Variants in PRKCH observed in about 807,000 individuals in gnomAD.
PRKCH encodes the protein protein kinase C eta type.
Under a neutral mutation model 82.5 loss-of-function variants are expected in PRKCH, and 28 were observed. The observed-to-expected ratio is 0.34, with a 90% CI of 0.25 to 0.47. PRKCH has a LOEUF of 0.47. PRKCH is among the 20% of genes least tolerant of loss of function. PRKCH has a pLI of 1.00. For missense variants in PRKCH, 705 were observed against 881.8 expected (o/e 0.80, Z 2.54); for synonymous variants, 322 against 327.4 (o/e 0.98, Z 0.18).
At chr14:61,549,634 T>G (rs772183169) in intron 13 of PRKCH, 51 bp from the exon 14 acceptor site, 3 of 1,596,106 alleles carry the variant, frequency 1.9e-6, no homozygotes, top group African/African-American at 2.7e-5. Context: ...GCAAGATGAG[T>G]AAGCCTCAAG....
intron 1 of PRKCH, among the ~76,000 whole-genome samples, chr14:61,272,892 C>T (rs1257213150): frequency 6.6e-6 from 1 of 152,122 alleles, no homozygotes; most frequent in Non-Finnish European, 1.5e-5. Flanking sequence ...TTCCTGGGTC[C>T]CTCCTCTGGT....
intron 2 of PRKCH, among the ~76,000 whole-genome samples, chr14:61,427,583 GTTGTT>G (rs1883175428): frequency 6.6e-6 from 1 of 151,944 alleles, no homozygotes; most frequent in Non-Finnish European, 1.5e-5. Flanking sequence ...TTCTTCTTTG[GTTGTT>G]TTGTTTGTTT....
At chr14:61,259,387 G>C (rs1455649154) in intron 1 of PRKCH, among the ~76,000 whole-genome samples, 1 of 152,120 alleles carries the variant, frequency 6.6e-6, no homozygotes, top group Non-Finnish European at 1.5e-5. Context: ...CATTCACACT[G>C]ACTGACTAAC....
intron 10 of PRKCH, chr14:61,528,181 C>CACACACAT (rs1360004883): frequency 6.6e-6 from 1 of 151,764 alleles, no homozygotes; most frequent in South Asian, 2.1e-4. Flanking sequence ...CACACACACA[C>CACACACAT]AAAGTATTTC....
intron 1 of PRKCH, among the ~76,000 whole-genome samples, chr14:61,368,997 A>C (rs2046333240): frequency 6.6e-6 from 1 of 152,092 alleles, no homozygotes; most frequent in Non-Finnish European, 1.5e-5. Flanking sequence ...TCCATTCTAC[A>C]CCCAAGCTGT....
chr14:61,325,013 G>A (rs548394348), intron 1 of PRKCH, among the ~76,000 whole-genome samples: 17 of 152,322 alleles, frequency 1.1e-4, no homozygotes, highest in African/African-American at 4.1e-4. Flanking sequence ...GGTTATGGAT[G>A]AGAGGATTCA....
intron 9 of PRKCH, among the ~76,000 whole-genome samples, chr14:61,457,938 C>G (rs1385697063): frequency 1.3e-5 from 2 of 152,308 alleles, no homozygotes; most frequent in East Asian, 3.9e-4. Flanking sequence ...AAAAGGTCAT[C>G]ATACATAAAT....
At chr14:61,296,121 G>T (rs959833517) in intron 1 of PRKCH, among the ~76,000 whole-genome samples, 3 of 152,164 alleles carry the variant, frequency 2.0e-5, no homozygotes, top group Admixed American at 6.5e-5. Context: ...CTCACTTGCT[G>T]GGAGAGAGTA....
At chr14:61,482,847 C>A (rs1886042090) in intron 9 of PRKCH, among the ~76,000 whole-genome samples, 1 of 152,146 alleles carries the variant, frequency 6.6e-6, no homozygotes, top group African/African-American at 2.4e-5. Flanking sequence ...AGGATTTTCT[C>A]CCCCCAGATC....
At chr14:61,423,066 G>A (rs553177762) in intron 2 of PRKCH, among the ~76,000 whole-genome samples, 1 of 152,244 alleles carries the variant, frequency 6.6e-6, no homozygotes, top group African/African-American at 2.4e-5. Flanking sequence ...AGATGTGTTG[G>A]AGCCTAAGTT....
intron 2 of PRKCH, among the ~76,000 whole-genome samples, chr14:61,410,343 A>G (rs1419306829): frequency 1.1e-4 from 17 of 152,202 alleles, no homozygotes; most frequent in Admixed American, 1.1e-3. Context: ...AAATGGGAGC[A>G]TGTGTTGACA....
At chr14:61,482,486 T>G (rs1180599854) in intron 9 of PRKCH, among the ~76,000 whole-genome samples, 1 of 152,222 alleles carries the variant, frequency 6.6e-6, no homozygotes, top group South Asian at 2.1e-4. Flanking sequence ...TAAACATGTC[T>G]TTGTTTTTTA....
Position 61,485,572 on chromosome 14 carries a change from G to A in PRKCH, c.1349G>A (p.Arg450His), listed in dbSNP as rs746414890. The stretch of plus-strand genomic sequence containing the variant: ...ATGTTCCACATTCAGAAGTCTCGTC[G>A]TTTTGATGAAGCACGAGCTCGCTTC... ...DLMFHIQKSR[R>H]FDEARARFYA... is the part of the protein sequence containing the mutation. The change falls in exon 10 of 14, where the codon CGT becomes CAT. Residue 450 changes from arginine to histidine, a missense_variant. By Grantham distance (29) the Arg-to-His change is conservative. Coordinates refer to ENST00000332981, the MANE Select transcript of PRKCH (RefSeq NM_006255.5). 8 of 1,614,002 alleles carry A rather than the reference G, an allele frequency of 5.0e-6. No homozygotes were observed. The highest frequency in any genetic ancestry group is 2.7e-5 in the African/African-American group (2 of 74,898).
intron 1 of PRKCH, chr14:61,302,871 C>A (rs1194245814): frequency 1.3e-5 from 2 of 152,116 alleles, no homozygotes; most frequent in Non-Finnish European, 2.9e-5. Context: ...GTGAAGTATT[C>A]TCTATTTATC....
intron 1 of PRKCH, among the ~76,000 whole-genome samples, chr14:61,326,002 T>C (rs905438190): frequency 6.6e-6 from 1 of 152,176 alleles, no homozygotes; most frequent in Admixed American, 6.5e-5. Flanking sequence ...TCTCATATGC[T>C]ATGGTGAGGA....
intron 1 of PRKCH, among the ~76,000 whole-genome samples, chr14:61,367,827 G>C (rs931112213): frequency 4.6e-5 from 7 of 150,560 alleles, no homozygotes; most frequent in Admixed American, 2.0e-4. Context: ...CCATTCTCCT[G>C]CCTCAGCCTT....
chr14:61,391,412 A>G (rs1328481472), intron 2 of PRKCH, 124 bp downstream of exon 2: 3 of 851,332 alleles, frequency 3.5e-6, no homozygotes, highest in South Asian at 2.2e-5. Context: ...AATCACTTTC[A>G]TAAGTTGGGC....
intron 1 of PRKCH, among the ~76,000 whole-genome samples, chr14:61,242,859 C>T (rs1004291541): frequency 5.3e-5 from 8 of 152,020 alleles, no homozygotes; most frequent in Admixed American, 3.9e-4. Context: ...GTAATAAACA[C>T]GTATTGTCTA....
chr14:61,452,697 A>G (rs1884567087), intron 6 of PRKCH: 1 of 157,864 alleles, frequency 6.3e-6, no homozygotes, highest in Non-Finnish European at 1.4e-5. Context: ...CTGTGCTGTG[A>G]GGCCTGCCCA....
Sources: gnomAD v4.1 joint callset for allele counts (sites outside exome capture counted in the v4.1 genomes callset) on GRCh38, gnomAD v4.1.1 for gene constraint, MANE v1.5 for transcripts, NCBI Gene and HGNC (gene_info 2026-07-23, HGNC 2026-07-21) for gene names.